Variants in BORA observed in about 807,000 individuals in gnomAD.
BORA encodes protein aurora borealis.
In BORA, 26 loss-of-function variants were observed where a neutral mutation model predicts 55.8. The observed-to-expected ratio is 0.47, with a 90% CI of 0.34 to 0.65. The LOEUF is 0.65. BORA is among the 30% of genes least tolerant of loss of function. The pLI, the probability that BORA is intolerant of heterozygous loss-of-function variation, is 0.01. For missense variants in BORA, 568 were observed against 671.5 expected (o/e 0.85, Z 1.70); for synonymous variants, 201 against 216.9 (o/e 0.93, Z 0.64).
chr13:72,752,743 A>T (rs2033311086), intron 10 of BORA: 1 of 150,582 alleles, frequency 6.6e-6, no homozygotes, highest in African/African-American at 2.5e-5. Context: ...CCAGCCTTGA[A>T]ATCTGGGAAC....
chr13:72,744,947 C>G, intron 7 of BORA, 34 bp from the exon 8 acceptor site: 1 of 1,577,272 alleles, frequency 6.3e-7, no homozygotes, highest in Non-Finnish European at 8.7e-7. Flanking sequence ...TTTAAAATGA[C>G]TAGCTTTGCC....
At position 72,755,956 on chromosome 13, in the gene BORA, C is replaced by A. The variant is rs2033453968; in HGVS notation, c.*740C>A. On this transcript the variant is annotated 3_prime_UTR_variant, in exon 12 of 12. Transcript: ENST00000390667. ...GTGGGAGAATAAGAATGTGGGAGAACCAAGAGAAAAAGTGGGGCTGGGAGA... is the reference window on the plus strand; with the variant it reads ...GTGGGAGAATAAGAATGTGGGAGAAACAAGAGAAAAAGTGGGGCTGGGAGA... 7.5e-6 allele frequency: 3 copies of A among 398,516 alleles called. No individual in the cohort carries two copies. The highest frequency in any genetic ancestry group is 2.1e-5 in the African/African-American group (1 of 48,712). 24.7% of individuals were successfully genotyped at this position (398,516 alleles called of 1,614,324 possible).
At chr13:72,747,750 C>T (rs1362298368) in intron 10 of BORA, among the ~76,000 whole-genome samples, 6 of 152,098 alleles carry the variant, frequency 3.9e-5, no homozygotes, top group African/African-American at 1.4e-4. Context: ...CCAGGCTGGT[C>T]TCGAACTCAT....
intron 5 of BORA, among the ~76,000 whole-genome samples, 183 bp downstream of exon 5, chr13:72,738,226 T>G (rs190839918): frequency 6.6e-6 from 1 of 152,310 alleles, no homozygotes; most frequent in African/African-American, 2.4e-5. Context: ...GAATTGTTTT[T>G]TAGCTGTTAT....
At chr13:72,742,776 ACACAC>A (rs2033061108) in intron 5 of BORA, among the ~76,000 whole-genome samples, 4 of 2,450 alleles carry the variant, frequency 1.6e-3, no homozygotes, top group East Asian at 0.011. Flanking sequence ...ATACACACAC[ACACAC>A]ACACACACAC....
At chr13:72,728,543 A>G (rs1166255886) in intron 1 of BORA, among the ~76,000 whole-genome samples, 1 of 152,224 alleles carries the variant, frequency 6.6e-6, no homozygotes, top group African/African-American at 2.4e-5. Context: ...GAGACATGAG[A>G]TGATGAATTT....
chr13:72,748,824 C>G (rs1483558822), intron 10 of BORA, among the ~76,000 whole-genome samples: 1 of 152,114 alleles, frequency 6.6e-6, no homozygotes, highest in East Asian at 1.9e-4. Context: ...TCTAATCCAA[C>G]TAACCTTTGG....
chr13:72,741,348 A>G (rs1262537135), intron 5 of BORA, among the ~76,000 whole-genome samples: 1 of 152,164 alleles, frequency 6.6e-6, no homozygotes, highest in Admixed American at 6.5e-5. Flanking sequence ...GTTATTTGAC[A>G]TTCTAAATGA....
At chr13:72,729,743 T>C (rs1038173227) in intron 2 of BORA, among the ~76,000 whole-genome samples, 1 of 151,736 alleles carries the variant, frequency 6.6e-6, no homozygotes, top group African/African-American at 2.4e-5. Flanking sequence ...TCACAAGATA[T>C]TTTTTTGTTT....
intron 5 of BORA, among the ~76,000 whole-genome samples, chr13:72,740,701 A>G (rs2138067401): frequency 6.6e-6 from 1 of 152,344 alleles, no homozygotes; most frequent in Non-Finnish European, 1.5e-5. Context: ...CCACAAAAGT[A>G]GCCGCTGACA....
chr13:72,732,637 A>C (rs965976331), intron 3 of BORA, among the ~76,000 whole-genome samples: 5 of 152,182 alleles, frequency 3.3e-5, no homozygotes, highest in African/African-American at 1.2e-4. Context: ...AGATCATGCC[A>C]TTGCACTCTA....
rs2033166704 is a variant in BORA at position 72,747,047 on chromosome 13, CTCA to C, written c.1420_1422del (p.His474del). 6 of 1,613,926 alleles carry C rather than the reference CTCA, an allele frequency of 3.7e-6. No homozygotes were observed. ...GGCATTGCCTTCAGTATTGAAAACT[CTCA>C]TATGTGCATGTCACCTCTTGCTGAA... On this transcript the variant is annotated inframe_deletion, in exon 10 of 12. Transcript: ENST00000390667.
At chr13:72,748,728 TTCTCTCTCTCTCTC>T (rs58975643) in intron 10 of BORA, among the ~76,000 whole-genome samples, 57,030 of 137,664 alleles carry the variant, frequency 0.41, 11,999 homozygotes, top group Middle Eastern at 0.6. Context: ...TTTTTTCACT[TTCTCTCTCTCTCTC>T]TCTCTCTCTC....
chr13:72,734,661 C>G (rs2032883272), intron 3 of BORA, among the ~76,000 whole-genome samples: 1 of 152,098 alleles, frequency 6.6e-6, no homozygotes, highest in Non-Finnish European at 1.5e-5. Flanking sequence ...CAAAGTTTAT[C>G]AAATTTATAT....
At chr13:72,750,963 A>C (rs534682105) in intron 10 of BORA, among the ~76,000 whole-genome samples, 50 of 152,162 alleles carry the variant, frequency 3.3e-4, no homozygotes, top group Non-Finnish European at 5.4e-4. Flanking sequence ...CGAGCATGGC[A>C]TTAAAGAACA....
In BORA at chr13:72,755,747, A is replaced by G; in HGVS notation, c.*531A>G. 1 of 397,474 alleles carries G rather than the reference A, an allele frequency of 2.5e-6. No homozygotes were observed. The highest frequency in any genetic ancestry group is 4.4e-6 in the Non-Finnish European group (1 of 225,848). 24.6% of individuals were successfully genotyped at this position (397,474 alleles called of 1,614,324 possible). Reference sequence around the variant, plus strand: ...TTGGTCTGTTCACCTCTGTGGGGAAAATTCTTAGTTCCAGTGATAACTGTT... The same window carrying G: ...TTGGTCTGTTCACCTCTGTGGGGAAGATTCTTAGTTCCAGTGATAACTGTT... On this transcript the variant is annotated 3_prime_UTR_variant, in exon 12 of 12. Transcript: ENST00000390667.
chr13:72,730,983 G>T (rs1007416668), intron 2 of BORA, among the ~76,000 whole-genome samples: 5 of 151,808 alleles, frequency 3.3e-5, no homozygotes, highest in Non-Finnish European at 7.4e-5. Context: ...CAGGAGAATC[G>T]CTTGAACCGG....
chr13:72,746,386 A>C, intron 9 of BORA, 115 bp from the exon 10 acceptor site: 1 of 1,238,546 alleles, frequency 8.1e-7, no homozygotes, highest in Non-Finnish European at 1.1e-6. Context: ...GGTAAACAAC[A>C]CAACTGTTAC....
At position 72,746,087 on chromosome 13, in the gene BORA, TAATAA is replaced by T; in HGVS notation, c.871+16_871+20del. 1.3e-6 allele frequency: 2 copies of T among 1,596,488 alleles called. No homozygotes were observed. Among genetic ancestry groups the T allele is most frequent in the Non-Finnish European group, 1.7e-6 (2 of 1,167,910 alleles). ...AGACTCCACTCTCAGGTATGTCTCA[TAATAA>T]AATACCTAGTTAAAAGTTTTATACT... is the stretch of plus-strand genomic sequence containing the variant. On this transcript the variant is annotated intron_variant, in intron 9 of 11. Transcript: ENST00000390667.
Sources: gnomAD v4.1 joint callset for allele counts (sites outside exome capture counted in the v4.1 genomes callset) on GRCh38, gnomAD v4.1.1 for gene constraint, MANE v1.5 for transcripts, NCBI Gene and HGNC (gene_info 2026-07-23, HGNC 2026-07-21) for gene names.